Variants in THSD4 observed in about 807,000 individuals in gnomAD.
THSD4 encodes the protein thrombospondin type-1 domain-containing protein 4.
A neutral mutation model predicts 119.0 loss-of-function variants in THSD4; 69 were observed. That is an observed-to-expected ratio of 0.58 (90% CI 0.48 to 0.71). THSD4 has a LOEUF of 0.71. Among genes scored for constraint, THSD4 ranks in the 30% least tolerant of loss-of-function variants. The probability of loss-of-function intolerance (pLI) is 0.00; values close to 1 mark genes in which losing one functional copy is unlikely to be tolerated. For missense variants in THSD4, 1,393 were observed against 1,391.1 expected, an observed-to-expected ratio of 1.00 and a Z score of -0.02; for synonymous variants, 524 against 540.4, an observed-to-expected ratio of 0.97 and a Z score of 0.42.
chr15:71,570,560 C>G (rs141153859), intron 7 of THSD4, among the ~76,000 whole-genome samples: 1 of 152,250 alleles, frequency 6.6e-6, no homozygotes, highest in East Asian at 1.9e-4. Flanking sequence ...GTGCACACCA[C>G]CACGCCTGGC....
chr15:71,649,566 G>A (rs1375408538), intron 7 of THSD4, among the ~76,000 whole-genome samples: 1 of 152,152 alleles, frequency 6.6e-6, no homozygotes, highest in Non-Finnish European at 1.5e-5. Flanking sequence ...CATGAGCCGT[G>A]CACCAGCCTG....
At chr15:71,638,281 A>G (rs7180181) in intron 7 of THSD4, among the ~76,000 whole-genome samples, 59,660 of 151,778 alleles carry the variant, frequency 0.39, 12,379 homozygotes, top group East Asian at 0.83. Context: ...TCTCTGGGTT[A>G]TATTTCCAGA....
At chr15:71,321,273 A>C (rs113561260) in intron 6 of THSD4, among the ~76,000 whole-genome samples, 26,613 of 142,694 alleles carry the variant, frequency 0.19, 2,401 homozygotes, top group African/African-American at 0.23. Flanking sequence ...CGGTGGCTCA[A>C]GCCTGTAATC....
At chr15:71,548,171 T>C (rs1434698999) in intron 7 of THSD4, among the ~76,000 whole-genome samples, 1 of 151,632 alleles carries the variant, frequency 6.6e-6, no homozygotes, top group East Asian at 1.9e-4. Flanking sequence ...TTGGGATAGA[T>C]GATCATTGAG....
At chr15:71,762,178 C>CACACACACACACAG (rs55645600) in intron 15 of THSD4, among the ~76,000 whole-genome samples, 3 of 147,498 alleles carry the variant, frequency 2.0e-5, no homozygotes, top group Admixed American at 6.8e-5. Flanking sequence ...CACACACACA[C>CACACACACACACAG]AGAGATAGAG....
intron 8 of THSD4, among the ~76,000 whole-genome samples, chr15:71,672,413 G>A (rs1364835141): frequency 3.3e-5 from 5 of 152,098 alleles, no homozygotes; most frequent in African/African-American, 4.8e-5. Context: ...TTCTAAATAT[G>A]CAATCATGTC....
rs942446752 is a variant in THSD4, at chr15:71,535,412, G to A, written c.1152+123589G>A. On this transcript the variant is annotated intron_variant, in intron 7 of 17. Coordinates refer to ENST00000261862, the MANE Select transcript of THSD4 (RefSeq NM_024817.3). ...TGGATATTTGAGTTACGTCCATTTCGGGGGTTGGGCTATCATGAATAATGC... is the reference window on the plus strand; with the variant it reads ...TGGATATTTGAGTTACGTCCATTTCAGGGGTTGGGCTATCATGAATAATGC... Among the ~76,000 whole-genome samples, 6 of 152,216 alleles carry A rather than the reference G, an allele frequency of 3.9e-5. 1 individual carries two copies. The highest frequency in any genetic ancestry group is 4.1e-4 in the South Asian group (2 of 4,822).
intron 3 of THSD4, among the ~76,000 whole-genome samples, chr15:71,155,735 A>C (rs2040770985): frequency 6.6e-6 from 1 of 152,162 alleles, no homozygotes; most frequent in Non-Finnish European, 1.5e-5. Context: ...GTTGCTATGC[A>C]AGAGAACCCC....
intron 3 of THSD4, among the ~76,000 whole-genome samples, chr15:71,164,613 C>G (rs557123092): frequency 1.3e-5 from 2 of 151,984 alleles, no homozygotes; most frequent in Admixed American, 6.6e-5. Context: ...AAGACACATT[C>G]GGTAGTGTGT....
intron 6 of THSD4, chr15:71,341,312 C>A: frequency 6.2e-7 from 1 of 1,602,664 alleles, no homozygotes; most frequent in Non-Finnish European, 8.5e-7. Context: ...GTTAATCCGA[C>A]CATGAGCTCT....
At chr15:71,210,552 C>T (rs2043880443) in intron 3 of THSD4, among the ~76,000 whole-genome samples, 1 of 152,040 alleles carries the variant, frequency 6.6e-6, no homozygotes, top group African/African-American at 2.4e-5. Context: ...TCTAGTTGGG[C>T]TCTGTTAGTT....
chr15:71,279,386 T>C (rs191416493), intron 6 of THSD4, among the ~76,000 whole-genome samples: 1 of 152,276 alleles, frequency 6.6e-6, no homozygotes, highest in East Asian at 1.9e-4. Flanking sequence ...CCAGTTGCCA[T>C]GTTTGTTTAA....
At position 71,535,187 on chromosome 15, in the gene THSD4, A is replaced by G. The variant is rs2048672290; in HGVS notation, c.1152+123364A>G. On this transcript the variant is annotated intron_variant, in intron 7 of 17. Coordinates refer to ENST00000261862, the MANE Select transcript of THSD4 (RefSeq NM_024817.3). ...CAACTAATCTACTCTCTGTCTCCAT[A>G]CATTTGCCTATACTGGACATTTCAT... 4.6e-5 allele frequency among the ~76,000 whole-genome samples: 7 copies of G among 152,282 alleles called. No homozygotes were observed. In the South Asian group the frequency reaches 1.2e-3, roughly 27 times the overall value.
chr15:71,514,871 A>T lies in THSD4; in HGVS notation c.1152+103048A>T, dbSNP rs569826645. Among the ~76,000 whole-genome samples the T allele has an allele frequency of 2.0e-5, 3 of 152,306 alleles. No homozygotes were observed. The South Asian group carries it at 6.2e-4, about 32-fold the overall frequency. On this transcript the variant is annotated intron_variant, in intron 7 of 17. Transcript: ENST00000261862. The stretch of plus-strand genomic sequence containing the variant: ...TATCAGAGGGTATAATTTCTATTGG[A>T]TACATAACATCCTATGGGTGGATAT...
chr15:71,302,456 G>T (rs1364875543), intron 6 of THSD4, among the ~76,000 whole-genome samples: 1 of 152,142 alleles, frequency 6.6e-6, no homozygotes, highest in African/African-American at 2.4e-5. Flanking sequence ...GGAGGCTCTG[G>T]GTTGCTGCTC....
chr15:71,428,273 A>G (rs182280685), intron 7 of THSD4, among the ~76,000 whole-genome samples: 164 of 152,244 alleles, frequency 1.1e-3, no homozygotes, highest in African/African-American at 3.1e-3. Context: ...GGCACATAAT[A>G]AAACTTTAGA....
chr15:71,163,395 CACAAAAGCGT>C (rs2043264305), intron 3 of THSD4, among the ~76,000 whole-genome samples: 2 of 152,002 alleles, frequency 1.3e-5, no homozygotes, highest in South Asian at 4.1e-4. Context: ...AGCACTCCAT[CACAAAAGCGT>C]GTAAAATTAT....
intron 6 of THSD4, among the ~76,000 whole-genome samples, chr15:71,350,094 G>A (rs2045723606): frequency 6.6e-6 from 1 of 150,800 alleles, no homozygotes; most frequent in Non-Finnish European, 1.5e-5. Context: ...GCCCAGCTGG[G>A]GAGATAGATT....
At chr15:71,156,524 C>T (rs2040779285) in intron 3 of THSD4, among the ~76,000 whole-genome samples, 1 of 152,068 alleles carries the variant, frequency 6.6e-6, no homozygotes, top group Admixed American at 6.5e-5. Flanking sequence ...CTCGGCCTCC[C>T]AAAGTGCTGG....
Sources: gnomAD v4.1 joint callset for allele counts (sites outside exome capture counted in the v4.1 genomes callset) on GRCh38, gnomAD v4.1.1 for gene constraint, MANE v1.5 for transcripts, NCBI Gene and HGNC (gene_info 2026-07-23, HGNC 2026-07-21) for gene names.